NRIP1: variants seen among roughly 807,000 people sequenced by gnomAD.
NRIP1 encodes nuclear receptor-interacting protein 1.
A neutral mutation model predicts 75.0 loss-of-function variants in NRIP1; 28 were observed. The observed-to-expected ratio is 0.37, with a 90% CI of 0.28 to 0.51. The LOEUF (loss-of-function observed/expected upper bound fraction) is 0.51. NRIP1 is among the 20% of genes least tolerant of loss of function. NRIP1 has a pLI of 0.92. For missense variants in NRIP1, 1,435 were observed against 1,343.7 expected, an observed-to-expected ratio of 1.07 and a Z score of -1.06; for synonymous variants, 526 against 487.6, an observed-to-expected ratio of 1.08 and a Z score of -1.04.
Position 14,965,022 on chromosome 21 carries a change from G to A in NRIP1, c.3171C>T (p.Asp1057=), listed in dbSNP as rs1225213805. 1 of 1,613,956 alleles carries A rather than the reference G, an allele frequency of 6.2e-7. No individual in the cohort carries two copies. The highest frequency in any genetic ancestry group is 8.5e-7 in the Non-Finnish European group (1 of 1,179,924). Reference sequence around the variant, plus strand: ...GGTTGGTTTTGGTCAATCTTGGAGAGTCTTTTTCATACTCATTCTTCTCCG... The same window carrying A: ...GGTTGGTTTTGGTCAATCTTGGAGAATCTTTTTCATACTCATTCTTCTCCG... The part of the protein sequence containing the change: ...TDAEKNEYEK[D]SPRLTKTNPI... The change falls in exon 4 of 4, where the codon GAC becomes GAT. Residue 1057 remains aspartate (D), a synonymous_variant. Coordinates refer to ENST00000318948, the MANE Select transcript of NRIP1 (RefSeq NM_003489.4).
intron 2 of NRIP1, among the ~76,000 whole-genome samples, chr21:15,022,401 G>A (rs983639041): frequency 6.6e-6 from 1 of 152,188 alleles, no homozygotes; most frequent in Non-Finnish European, 1.5e-5. Context: ...GGTGTGGGGG[G>A]AGGGAGAGCA....
chr21:14,981,786 T>C (rs947573421), intron 3 of NRIP1, among the ~76,000 whole-genome samples: 1 of 152,080 alleles, frequency 6.6e-6, no homozygotes, highest in Admixed American at 6.5e-5. Flanking sequence ...TGTCTTGAGA[T>C]AGAATGATGT....
Position 14,967,979 on chromosome 21 carries a change from T to C in NRIP1, c.214A>G (p.Thr72Ala). The stretch of plus-strand genomic sequence containing the variant: ...TGCAGCATGCCAGACCCCTGATATG[T>C]ATGTGTATTGAGAACTGGACCATTA... ...QSNGPVLNTHTYQGSGMLHLK... is the reference protein window; with the variant it reads ...QSNGPVLNTHAYQGSGMLHLK... Residue 72 changes from threonine to alanine, a missense_variant, in exon 4 of 4, where the codon ACA (threonine) becomes GCA (alanine). By Grantham distance (58) the Thr-to-Ala change is moderately conservative. Transcript: ENST00000318948. 6.2e-7 allele frequency: 1 copy of C among 1,614,004 alleles called. No individual in the cohort carries two copies. Among genetic ancestry groups the C allele is most frequent in the East Asian group, 2.2e-5 (1 of 44,850 alleles).
chr21:14,979,603 A>T (rs1171326476), intron 3 of NRIP1, among the ~76,000 whole-genome samples: 3 of 152,198 alleles, frequency 2.0e-5, no homozygotes, highest in Non-Finnish European at 4.4e-5. Context: ...TGAAGTCAAG[A>T]TCTTCATGCA....
chr21:15,065,031 G>T (rs1978760903), upstream of NRIP1: 1 of 154,100 alleles, frequency 6.5e-6, no homozygotes, highest in Non-Finnish European at 1.4e-5. Context: ...CTCGCTCACC[G>T]CCCGCCCGCA....
chr21:15,020,084 G>A (rs924308058), intron 2 of NRIP1, among the ~76,000 whole-genome samples: 37 of 151,688 alleles, frequency 2.4e-4, no homozygotes, highest in African/African-American at 5.1e-4. Context: ...AAATGCCATC[G>A]TAATCTTTTT....
chr21:15,059,852 T>A (rs1417319923), intron 1 of NRIP1, among the ~76,000 whole-genome samples: 3 of 152,158 alleles, frequency 2.0e-5, no homozygotes, highest in South Asian at 2.1e-4. Flanking sequence ...CACATTATAC[T>A]ACTTTTAGAG....
Position 14,967,780 on chromosome 21 carries a change from T to C in NRIP1, c.413A>G (p.Gln138Arg), listed in dbSNP as rs770901932. 1 of 1,614,096 alleles carries C rather than the reference T, an allele frequency of 6.2e-7. No homozygotes were observed. The highest frequency in any genetic ancestry group is 1.1e-5 in the South Asian group (1 of 91,074). Reference sequence around the variant, plus strand: ...AGTCTGCAGCCTAGAGCTGAATGACTGAAGCAAAGAGGCCAGTAATGTGCT... The same window carrying C: ...AGTCTGCAGCCTAGAGCTGAATGACCGAAGCAAAGAGGCCAGTAATGTGCT... Reference protein sequence around the residue: ...QDSTLLASLLQSFSSRLQTVA... With the variant: ...QDSTLLASLLRSFSSRLQTVA... Residue 138 changes from glutamine (Q) to arginine (R), a missense_variant, in exon 4 of 4, where the codon CAG becomes CGG. Coordinates refer to ENST00000318948, the MANE Select transcript of NRIP1 (RefSeq NM_003489.4).
chr21:15,045,598 G>T (rs965925295), intron 1 of NRIP1, among the ~76,000 whole-genome samples: 2 of 152,174 alleles, frequency 1.3e-5, no homozygotes, highest in Non-Finnish European at 2.9e-5. Flanking sequence ...GAAGGTTGGG[G>T]TCTCTGTAAT....
Position 14,982,698 on chromosome 21 carries a change from G to T in NRIP1, c.-334-14172C>A, listed in dbSNP as rs200627568. Among the ~76,000 whole-genome samples the T allele has an allele frequency of 6.6e-4, 50 of 76,314 alleles. No individual in the cohort carries two copies. The East Asian group carries it at 0.012, about 19-fold the overall frequency. The allele number at this position is 76,314 out of a possible 152,430, so 50.1% of individuals were successfully genotyped here. A position where few individuals can be genotyped will look rare whatever the true frequency, so the allele number is the denominator to read the frequency against. On this transcript the variant is annotated intron_variant, in intron 3 of 3. Coordinates refer to ENST00000318948, the MANE Select transcript of NRIP1 (RefSeq NM_003489.4). Reference sequence around the variant, plus strand: ...CATTGTACTTTGCCATTATTGTGGGGTTTTTTTTTGTTTTTTTTTTGTTTT... The same window carrying T: ...CATTGTACTTTGCCATTATTGTGGGTTTTTTTTTTGTTTTTTTTTTGTTTT...
In NRIP1 at chr21:14,962,033, AT is replaced by A. The variant is rs1392227946; in HGVS notation, c.*2682del. 1.2e-4 allele frequency: 17 copies of A among 146,706 alleles called. No homozygotes were observed. In the South Asian group the frequency reaches 1.7e-3, roughly 15 times the overall value. The allele number at this position is 146,706 out of a possible 1,614,324, so 9.1% of individuals were successfully genotyped here. ...ATACATATTATATATATATATATAT[AT>A]ATATATATAAAATATATACTCTCAC... On this transcript the variant is annotated 3_prime_UTR_variant, in exon 4 of 4. Transcript: ENST00000318948.
At chr21:15,058,372 CAT>C (rs1410239260) in intron 1 of NRIP1, among the ~76,000 whole-genome samples, 1 of 152,158 alleles carries the variant, frequency 6.6e-6, no homozygotes, top group Non-Finnish European at 1.5e-5. Flanking sequence ...TGTTTCCAAA[CAT>C]ATTTTCTTGA....
At chr21:14,974,042 A>G (rs554312973) in intron 3 of NRIP1, among the ~76,000 whole-genome samples, 1 of 152,152 alleles carries the variant, frequency 6.6e-6, no homozygotes, top group South Asian at 2.1e-4. Context: ...AGTCATCATC[A>G]TTTATCATCT....
Position 14,967,989 on chromosome 21 carries a change from G to A in NRIP1, c.204C>T (p.Leu68=), listed in dbSNP as rs1171494650. 3 of 1,613,966 alleles carry A rather than the reference G, an allele frequency of 1.9e-6. No homozygotes were observed. Among genetic ancestry groups the A allele is most frequent in the Non-Finnish European group, 2.5e-6 (3 of 1,180,000 alleles). Residue 68 remains leucine, a synonymous_variant, in exon 4 of 4, where the codon CTC becomes CTT. Coordinates refer to ENST00000318948, the MANE Select transcript of NRIP1 (RefSeq NM_003489.4). ...FPTCQSNGPV[L]NTHTYQGSGM... is the part of the protein sequence containing the mutation. ...CAGACCCCTGATATGTATGTGTATTGAGAACTGGACCATTACTTTGACAGG... is the reference window on the plus strand; with the variant it reads ...CAGACCCCTGATATGTATGTGTATTAAGAACTGGACCATTACTTTGACAGG...
chr21:14,980,283 G>A (rs955314965), intron 3 of NRIP1, among the ~76,000 whole-genome samples: 1 of 151,898 alleles, frequency 6.6e-6, no homozygotes, highest in Non-Finnish European at 1.5e-5. Flanking sequence ...AGACCAGCCT[G>A]GCCAACATGG....
At chr21:15,059,531 G>GGGAGGGAA (rs144391275) in intron 1 of NRIP1, among the ~76,000 whole-genome samples, 553 of 151,946 alleles carry the variant, frequency 3.6e-3, no homozygotes, top group Non-Finnish European at 5.9e-3. Flanking sequence ...AAAGAAGGAA[G>GGGAGGGAA]GGAGGGAAGG....
At chr21:15,040,752 T>C (rs1600913818) in intron 2 of NRIP1, among the ~76,000 whole-genome samples, 1 of 152,222 alleles carries the variant, frequency 6.6e-6, no homozygotes, top group South Asian at 2.1e-4. Context: ...GTGAGCCAAA[T>C]ACATATTATA....
At chr21:15,045,145 C>CG (rs1568727989) in intron 1 of NRIP1, among the ~76,000 whole-genome samples, 3 of 152,180 alleles carry the variant, frequency 2.0e-5, no homozygotes, top group African/African-American at 7.2e-5. Context: ...CTAATCCCCC[C>CG]GGCCCAGACA....
chr21:15,025,150 C>A (rs2088486231), intron 2 of NRIP1, among the ~76,000 whole-genome samples: 2 of 151,992 alleles, frequency 1.3e-5, no homozygotes, highest in Admixed American at 6.6e-5. Context: ...ACGGCTTCCA[C>A]ATAAAGGGGC....
Sources: gnomAD v4.1 joint callset for allele counts (sites outside exome capture counted in the v4.1 genomes callset) on GRCh38, gnomAD v4.1.1 for gene constraint, MANE v1.5 for transcripts, NCBI Gene and HGNC (gene_info 2026-07-23, HGNC 2026-07-21) for gene names.